PPP1R21: variants seen among roughly 807,000 people sequenced by gnomAD.
PPP1R21 encodes KLRAQ motif containing 1.
Under a neutral mutation model 112.8 loss-of-function variants are expected in PPP1R21, and 85 were observed. The ratio of observed to expected loss-of-function variants is 0.75; its 90% CI spans 0.63 to 0.90. The LOEUF (loss-of-function observed/expected upper bound fraction) is 0.90. PPP1R21 is among the 40% of genes least tolerant of loss of function. The pLI is 0.00. For synonymous variants in PPP1R21, 381 were observed against 322.3 expected, an observed-to-expected ratio of 1.18 and a Z score of -1.95; for missense variants, 1,199 against 901.5, an observed-to-expected ratio of 1.33 and a Z score of -4.23.
In PPP1R21 at chr2:48,479,978, T is replaced by C; in HGVS notation, c.1280T>C (p.Val427Ala). Reference protein sequence around the residue: ...RTNYSSVLTNVGAALHGFHDV... With the variant: ...RTNYSSVLTNAGAALHGFHDV... ...AACTACAGTTCTGTGTTAACAAATG[T>C]TGGTGCTGCTCTGCATGGATTTCAT... The change falls in exon 13 of 22, where the codon GTT becomes GCT. Residue 427 changes from valine (V) to alanine (A), a missense_variant. Coordinates refer to ENST00000294952, the MANE Select transcript of PPP1R21 (RefSeq NM_001135629.3). 1.2e-6 allele frequency: 2 copies of C among 1,613,364 alleles called. No individual in the cohort carries two copies. Among genetic ancestry groups the C allele is most frequent in the South Asian group, 2.2e-5 (2 of 91,074 alleles).
chr2:48,459,826 G>C lies in PPP1R21; in HGVS notation c.448G>C (p.Glu150Gln), dbSNP rs1667896774. Residue 150 changes from glutamate (E) to glutamine (Q), a missense_variant, in exon 5 of 22, where the codon GAA becomes CAA. Transcript: ENST00000294952. ...LRSRLATLET[E>Q]AAQHQAVVDG... ...GAGTCGACTGGCCACTCTGGAGACA[G>C]AAGCAGCCCAGCACCAAGCTGTGGT... is the stretch of plus-strand genomic sequence containing the variant. 1 of 1,614,202 alleles carries C rather than the reference G, an allele frequency of 6.2e-7. No individual in the cohort carries two copies. The highest frequency in any genetic ancestry group is 8.5e-7 in the Non-Finnish European group (1 of 1,180,052).
intron 15 of PPP1R21, among the ~76,000 whole-genome samples, chr2:48,494,581 T>G: frequency 6.6e-6 from 1 of 150,638 alleles, no homozygotes; most frequent in Middle Eastern, 3.2e-3. Context: ...CCCGGCTAAT[T>G]GTTTTTGTAT....
At chr2:48,465,891 A>G (rs567361277) in intron 9 of PPP1R21, among the ~76,000 whole-genome samples, 25 of 152,344 alleles carry the variant, frequency 1.6e-4, no homozygotes, top group East Asian at 3.9e-4. Context: ...GCAATTTACA[A>G]AAGAAAGAGG....
At chr2:48,468,822 A>G (rs1408902468) in intron 9 of PPP1R21, among the ~76,000 whole-genome samples, 2 of 89,894 alleles carry the variant, frequency 2.2e-5, no homozygotes, top group African/African-American at 4.2e-5. Context: ...CTCAAGAAAA[A>G]AAATGTATGT....
At chr2:48,457,980 A>T (rs776108504) in intron 3 of PPP1R21, 146 bp from the exon 4 acceptor site, 4 of 635,796 alleles carry the variant, frequency 6.3e-6, no homozygotes, top group Non-Finnish European at 1.2e-5. Context: ...AAGTTAAATG[A>T]TGAACTGTAT....
intron 9 of PPP1R21, among the ~76,000 whole-genome samples, chr2:48,469,599 G>A (rs1190994854): frequency 9.4e-6 from 1 of 106,422 alleles, no homozygotes; most frequent in African/African-American, 3.7e-5. Context: ...AACCAGTATT[G>A]GATAGAATAT....
At chr2:48,450,076 G>A (rs996699598) in intron 1 of PPP1R21, among the ~76,000 whole-genome samples, 1 of 151,892 alleles carries the variant, frequency 6.6e-6, no homozygotes, top group Non-Finnish European at 1.5e-5. Context: ...TTAAAATAGC[G>A]TTATTTCTCA....
At chr2:48,454,809 G>T in intron 3 of PPP1R21, 68 bp downstream of exon 3, 1 of 1,253,296 alleles carries the variant, frequency 8.0e-7, no homozygotes, top group Non-Finnish European at 1.2e-6. Flanking sequence ...GGGCATCCTG[G>T]TTTTAACAGA....
chr2:48,510,482 G>GT (rs1424735234), intron 20 of PPP1R21, among the ~76,000 whole-genome samples: 2 of 152,170 alleles, frequency 1.3e-5, no homozygotes, highest in Non-Finnish European at 2.9e-5. Context: ...AAACTGAAAG[G>GT]TGGGGCTATA....
rs969242338 is a variant in PPP1R21, at chr2:48,496,458, A to G, written c.1692+687A>G. Among the ~76,000 whole-genome samples, 3 of 120,018 alleles carry G rather than the reference A, an allele frequency of 2.5e-5. No homozygotes were observed. In the South Asian group the frequency reaches 9.4e-4, roughly 37 times the overall value. 78.7% of individuals were successfully genotyped at this position (120,018 alleles called of 152,430 possible). On this transcript the variant is annotated intron_variant, in intron 16 of 21. Coordinates refer to ENST00000294952, the MANE Select transcript of PPP1R21 (RefSeq NM_001135629.3). ...GAAGAATCTAAACAAGACAGGGCTT[A>G]TTGGGTTTTGGGTTTTTTTTTTTTT...
chr2:48,474,916 A>G (rs565619908), intron 12 of PPP1R21, 97 bp downstream of exon 12: 5 of 1,041,704 alleles, frequency 4.8e-6, no homozygotes, highest in Admixed American at 4.8e-5. Context: ...TGAGAGGAGC[A>G]TAGGATCTGG....
At position 48,499,934 on chromosome 2, in the gene PPP1R21, A is replaced by AT. The variant is rs1572890961; in HGVS notation, c.1935+1207dup. On this transcript the variant is annotated intron_variant, in intron 17 of 21. Coordinates refer to ENST00000294952, the MANE Select transcript of PPP1R21 (RefSeq NM_001135629.3). ...ATAATCAAAGGAGTCTTTTAGGTGT[A>AT]TTTTTTTTAACAAACATTTTTTTTA... Among the ~76,000 whole-genome samples the AT allele has an allele frequency of 5.9e-5, 9 of 152,000 alleles. No individual in the cohort carries two copies. The South Asian group carries it at 1.9e-3, about 32-fold the overall frequency.
At chr2:48,495,073 T>G (rs1485466572) in intron 15 of PPP1R21, among the ~76,000 whole-genome samples, 9 of 152,234 alleles carry the variant, frequency 5.9e-5, no homozygotes, top group African/African-American at 2.2e-4. Flanking sequence ...AAAAACAGAA[T>G]GGTTGTATGT....
intron 1 of PPP1R21, among the ~76,000 whole-genome samples, chr2:48,447,286 C>G (rs1667289850): frequency 6.6e-6 from 1 of 151,944 alleles, no homozygotes; most frequent in Non-Finnish European, 1.5e-5. Context: ...TTTGGTTGGC[C>G]AAAGTGAAGA....
At position 48,474,785 on chromosome 2, in the gene PPP1R21, G is replaced by C. The variant is rs774091923; in HGVS notation, c.1191G>C (p.Lys397Asn). 47 of 1,613,684 alleles carry C rather than the reference G, an allele frequency of 2.9e-5. No homozygotes were observed. Among genetic ancestry groups the C allele is most frequent in the African/African-American group, 4.0e-5 (3 of 74,934 alleles). ...AAAAAATGACAGCTGTGTTTGAGAA[G>C]CTGCAGACTTACATAGCTCTTCTTG... ...DMKKMTAVFE[K>N]LQTYIALLAL... Residue 397 changes from lysine to asparagine, a missense_variant, in exon 12 of 22, where the codon AAG (lysine) becomes AAC (asparagine). Transcript: ENST00000294952.
intron 12 of PPP1R21, among the ~76,000 whole-genome samples, chr2:48,476,664 A>T (rs1668768026): frequency 6.6e-6 from 1 of 152,110 alleles, no homozygotes; most frequent in Non-Finnish European, 1.5e-5. Flanking sequence ...CTGGTATCTC[A>T]TTGTAGTTTT....
At position 48,514,699 on chromosome 2, in the gene PPP1R21, AT is replaced by A; in HGVS notation, c.2314-11del. The A allele has an allele frequency of 6.4e-7, 1 of 1,566,628 alleles. No individual in the cohort carries two copies. Among genetic ancestry groups the A allele is most frequent in the Non-Finnish European group, 8.8e-7 (1 of 1,138,656 alleles). On this transcript the variant is annotated splice_polypyrimidine_tract_variant and intron_variant, in intron 21 of 21. Transcript: ENST00000294952. ...TTATGTTTATGTTCTTATTGTTGATATTTTTCTTTGCACAGGGGAATTCTAA... is the reference window on the plus strand; with the variant it reads ...TTATGTTTATGTTCTTATTGTTGATATTTTCTTTGCACAGGGGAATTCTAA...
rs764311206 is a variant in PPP1R21, at chr2:48,441,023, G to T, written c.57+13G>T. The stretch of plus-strand genomic sequence containing the variant: ...GGAGTACTCGAAGGTACCCATCGTG[G>T]TCTGGGAGTAGGGGGTCCCCCGCCC... On this transcript the variant is annotated intron_variant, in intron 1 of 21. Coordinates refer to ENST00000294952, the MANE Select transcript of PPP1R21 (RefSeq NM_001135629.3). 2.3e-5 allele frequency: 37 copies of T among 1,593,090 alleles called. No individual in the cohort carries two copies. In the East Asian group the frequency reaches 8.3e-4, roughly 36 times the overall value.
chr2:48,479,920 C>T lies in PPP1R21; in HGVS notation c.1226-4C>T, dbSNP rs1201098974. 1 of 1,586,674 alleles carries T rather than the reference C, an allele frequency of 6.3e-7. No individual in the cohort carries two copies. The highest frequency in any genetic ancestry group is 2.2e-5 in the East Asian group (1 of 44,732). On this transcript the variant is annotated splice_region_variant and splice_polypyrimidine_tract_variant and intron_variant, in intron 12 of 21. Coordinates refer to ENST00000294952, the MANE Select transcript of PPP1R21 (RefSeq NM_001135629.3). ...TGCTTAGATTTGTGATTTTGATTTC[C>T]TAGGTACAGAGCCAGATGGACTCCT...
Sources: gnomAD v4.1 joint callset for allele counts (sites outside exome capture counted in the v4.1 genomes callset) on GRCh38, gnomAD v4.1.1 for gene constraint, MANE v1.5 for transcripts, NCBI Gene and HGNC (gene_info 2026-07-23, HGNC 2026-07-21) for gene names.